Variants in FOXN4 observed in about 807,000 individuals in gnomAD.
The protein encoded by FOXN4 is forkhead box N4.
In FOXN4, 12 loss-of-function variants were observed where a neutral mutation model predicts 45.0. That is an observed-to-expected ratio of 0.27 (90% confidence interval 0.17 to 0.43). The LOEUF is 0.43. Ranked by LOEUF, FOXN4 falls within the 20% of genes least tolerant of loss-of-function variation. The pLI, the probability that FOXN4 is intolerant of heterozygous loss-of-function variation, is 1.00. For synonymous variants in FOXN4, 297 were observed against 295.0 expected, an observed-to-expected ratio of 1.01 and a Z score of -0.07; for missense variants, 560 against 694.9, an observed-to-expected ratio of 0.81 and a Z score of 2.18.
At chr12:109,283,660 G>C (rs2047674715) in intron 8 of FOXN4, among the ~76,000 whole-genome samples, 1 of 152,086 alleles carries the variant, frequency 6.6e-6, no homozygotes, top group African/African-American at 2.4e-5. Flanking sequence ...ATTTTTAGTA[G>C]AGATGGGGTT....
intron 9 of FOXN4, among the ~76,000 whole-genome samples, chr12:109,280,697 C>T (rs2136907171): frequency 6.6e-6 from 1 of 152,330 alleles, no homozygotes; most frequent in African/African-American, 2.4e-5. Context: ...ATTTCCCTCG[C>T]TAGAGACAGA....
At chr12:109,279,981 G>A in intron 9 of FOXN4, 51 bp from the exon 10 acceptor site, 16 of 1,605,742 alleles carry the variant, frequency 1.0e-5, no homozygotes, top group Non-Finnish European at 1.4e-5. Flanking sequence ...CAAATGACCT[G>A]AGTTCGAATC....
In FOXN4 at chr12:109,290,548, G is replaced by A. The variant is rs550378347; in HGVS notation, c.87-262C>T. ...CACCTACCACATAAACAATGCACGC[G>A]AATATTTGTTGAGGACTTGACCAGT... On this transcript the variant is annotated intron_variant, in intron 2 of 9. Transcript: ENST00000299162. This position sits in a 1 kb window ranked among gnomAD's most constrained non-coding sequence, Gnocchi z 5.1. Among the ~76,000 whole-genome samples the A allele has an allele frequency of 5.3e-5, 8 of 152,286 alleles. No homozygotes were observed. The East Asian group carries it at 5.8e-4, about 11-fold the overall frequency.
chr12:109,308,737 T>C (rs1249976636), intron 1 of FOXN4, among the ~76,000 whole-genome samples: 1 of 152,148 alleles, frequency 6.6e-6, no homozygotes, highest in Non-Finnish European at 1.5e-5. Flanking sequence ...GACATGTGTA[T>C]TTCTCTGGGG....
chr12:109,280,626 A>G (rs990608187), intron 9 of FOXN4, among the ~76,000 whole-genome samples: 2 of 152,136 alleles, frequency 1.3e-5, no homozygotes, highest in Non-Finnish European at 2.9e-5. Flanking sequence ...ATCCAGGGGG[A>G]AAGAGGCAGG....
rs2047627544 is a variant in FOXN4 at position 109,278,865 on chromosome 12, G to GAT, written c.*804_*805dup. 6.6e-6 allele frequency: 1 copy of GAT among 152,248 alleles called. No individual in the cohort carries two copies. The highest frequency in any genetic ancestry group is 1.9e-4 in the East Asian group (1 of 5,202). 9.4% of individuals were successfully genotyped at this position (152,248 alleles called of 1,614,324 possible). On this transcript the variant is annotated 3_prime_UTR_variant, in exon 10 of 10. Transcript: ENST00000299162. ...AAAAAGTAGCCCCAGGCTGCCAAGG[G>GAT]ATTATGAGCCAGTTAGAGATGTCAT...
rs142309664 is a variant in FOXN4 at position 109,303,443 on chromosome 12, G to A, written c.86+4793C>T. 3.3e-3 allele frequency among the ~76,000 whole-genome samples: 506 copies of A among 152,318 alleles called. 2 individuals carry two copies. Among genetic ancestry groups the A allele is most frequent in the African/African-American group, 0.011 (473 of 41,576 alleles). ...GTTTCCATGGATGTGTTATTTTCAC[G>A]TGATATTTGTCCATTCATCCATCTA... On this transcript the variant is annotated intron_variant, in intron 2 of 9. Coordinates refer to ENST00000299162, the MANE Select transcript of FOXN4 (RefSeq NM_213596.3).
intron 2 of FOXN4, among the ~76,000 whole-genome samples, chr12:109,292,443 G>A (rs1345171567): frequency 2.6e-5 from 4 of 152,124 alleles, no homozygotes; most frequent in East Asian, 1.9e-4. Context: ...TCTAATCCTG[G>A]TTTCCACTTG....
At chr12:109,308,721 G>A (rs867899404) in intron 1 of FOXN4, among the ~76,000 whole-genome samples, 4 of 152,042 alleles carry the variant, frequency 2.6e-5, no homozygotes, top group African/African-American at 9.7e-5. Flanking sequence ...AGGGGCAGCT[G>A]GATGTGACAT....
At chr12:109,296,979 T>G (rs2047823522) in intron 2 of FOXN4, among the ~76,000 whole-genome samples, 1 of 152,156 alleles carries the variant, frequency 6.6e-6, no homozygotes, top group African/African-American at 2.4e-5. Context: ...ACCTTCCCAT[T>G]TGCCAGACGA....
intron 2 of FOXN4, among the ~76,000 whole-genome samples, chr12:109,304,089 G>T (rs184207293): frequency 0.011 from 1,724 of 151,668 alleles, 37 homozygotes; most frequent in African/African-American, 0.04. Flanking sequence ...TACTCAGGAG[G>T]CTGAGGCAGG....
rs188890924 is a variant in FOXN4, at chr12:109,304,651, C to T, written c.86+3585G>A. Among the ~76,000 whole-genome samples the T allele has an allele frequency of 4.0e-3, 589 of 147,244 alleles. 4 individuals carry two copies. Among genetic ancestry groups the T allele is most frequent in the African/African-American group, 0.013 (536 of 41,284 alleles). ...GGCAGCCGCCTCTAGCTGCTGCCCCCGCCCTCCTGCACACAGCCATTGAAA... is the reference window on the plus strand; with the variant it reads ...GGCAGCCGCCTCTAGCTGCTGCCCCTGCCCTCCTGCACACAGCCATTGAAA... On this transcript the variant is annotated intron_variant, in intron 2 of 9. Transcript: ENST00000299162.
In FOXN4 at chr12:109,286,770, A is replaced by G. The variant is rs147825065; in HGVS notation, c.597-26T>C. The G allele has an allele frequency of 1.0e-4, 160 of 1,571,068 alleles. No individual in the cohort carries two copies. In the African/African-American group the frequency reaches 2.3e-3, roughly 22 times the overall value. ...CTGGGGGCAGGAGGTGGGGCAGGGC[A>G]GGGCAGGGCAGGACAGGGCAGGCCA... On this transcript the variant is annotated intron_variant, in intron 6 of 9. Transcript: ENST00000299162.
chr12:109,294,093 C>T (rs1326221897), intron 2 of FOXN4, among the ~76,000 whole-genome samples: 3 of 152,148 alleles, frequency 2.0e-5, no homozygotes, highest in Non-Finnish European at 1.5e-5. Context: ...GGGGGAGATG[C>T]CCCACCCTGG....
chr12:109,288,264 G>A lies in FOXN4; in HGVS notation c.233-84C>T, dbSNP rs1005053855. ...AACAGCCCAGTGCCCAGGTGTCTCC[G>A]GAGAACGGAGCCAGCCCCTTTCCTC... On this transcript the variant is annotated intron_variant, in intron 3 of 9. Coordinates refer to ENST00000299162, the MANE Select transcript of FOXN4 (RefSeq NM_213596.3). This position sits in a 1 kb window ranked among gnomAD's most constrained non-coding sequence, Gnocchi z 4.3. 91 of 1,489,934 alleles carry A rather than the reference G, an allele frequency of 6.1e-5. No homozygotes were observed. In the South Asian group the frequency reaches 7.1e-4, roughly 12 times the overall value. The allele number at this position is 1,489,934 out of a possible 1,614,324, so 92.3% of individuals were successfully genotyped here.
In FOXN4 at chr12:109,291,281, C is replaced by T. The variant is rs1459401318; in HGVS notation, c.87-995G>A. On this transcript the variant is annotated intron_variant, in intron 2 of 9. Transcript: ENST00000299162. The surrounding 1 kb of genome is among the most constrained non-coding windows in gnomAD (Gnocchi z 6.6). Reference sequence around the variant, plus strand: ...GCGACTCCGAGAGCATCGGGTCTTACACCACCATCCGGGCCCTGTCGTGAT... The same window carrying T: ...GCGACTCCGAGAGCATCGGGTCTTATACCACCATCCGGGCCCTGTCGTGAT... Among the ~76,000 whole-genome samples the T allele has an allele frequency of 2.0e-5, 3 of 152,220 alleles. No individual in the cohort carries two copies. The highest frequency in any genetic ancestry group is 1.9e-4 in the East Asian group (1 of 5,160).
chr12:109,288,637 T>C lies in FOXN4; in HGVS notation c.233-457A>G, dbSNP rs139924315. 1.2e-4 allele frequency among the ~76,000 whole-genome samples: 18 copies of C among 152,340 alleles called. No homozygotes were observed. The highest frequency in any genetic ancestry group is 4.3e-4 in the African/African-American group (18 of 41,578). The stretch of plus-strand genomic sequence containing the variant: ...TCTAGGTTTAGGTCCAAAGTACCTT[T>C]GTGCCTCCTCTCCCCTTTGCCAAGC... On this transcript the variant is annotated intron_variant, in intron 3 of 9. Transcript: ENST00000299162. The surrounding 1 kb of genome is among the most constrained non-coding windows in gnomAD (Gnocchi z 4.3).
In FOXN4 at chr12:109,288,962, CTT is replaced by C. The variant is rs1248437214; in HGVS notation, c.233-784_233-783del. Reference sequence around the variant, plus strand: ...AGCTTTCTAAGAACTGGGACCACAACTTATATCATTCATTGCTCCAAATGCCT... The same window carrying C: ...AGCTTTCTAAGAACTGGGACCACAACATATCATTCATTGCTCCAAATGCCT... On this transcript the variant is annotated intron_variant, in intron 3 of 9. Transcript: ENST00000299162. The surrounding 1 kb of genome is among the most constrained non-coding windows in gnomAD (Gnocchi z 4.3). Among the ~76,000 whole-genome samples, 1 of 152,234 alleles carries C rather than the reference CTT, an allele frequency of 6.6e-6. No homozygotes were observed. The highest frequency in any genetic ancestry group is 1.5e-5 in the Non-Finnish European group (1 of 68,042).
In FOXN4 at chr12:109,287,668, G is replaced by T. The variant is rs2136922979; in HGVS notation, c.469-144C>A. On this transcript the variant is annotated intron_variant, in intron 5 of 9. Transcript: ENST00000299162. The surrounding 1 kb of genome is among the most constrained non-coding windows in gnomAD (Gnocchi z 4.1). The stretch of plus-strand genomic sequence containing the variant: ...TCACAACCGTCCAGGAAACAATCTT[G>T]TCTCCACTCAGGGCAGGAGTTTTGG... 6 of 1,265,176 alleles carry T rather than the reference G, an allele frequency of 4.7e-6. No homozygotes were observed. The East Asian group carries it at 1.3e-4, about 27-fold the overall frequency. The allele number at this position is 1,265,176 out of a possible 1,614,324, so 78.4% of individuals were successfully genotyped here. A position where few individuals can be genotyped will look rare whatever the true frequency, so the allele number is the denominator to read the frequency against.
Sources: allele counts gnomAD v4.1 joint callset (sites outside exome capture counted in the v4.1 genomes callset), GRCh38; gene constraint gnomAD v4.1.1; non-coding constraint Gnocchi (gnomAD v3.1); transcripts MANE v1.5; gene names NCBI Gene and HGNC (gene_info 2026-07-23, HGNC 2026-07-21).